STK17B: variants seen among roughly 807,000 people sequenced by gnomAD.
The protein encoded by STK17B is serine/threonine kinase 17b, also known as serine/threonine-protein kinase 17B.
A neutral mutation model predicts 42.0 loss-of-function variants in STK17B; 21 were observed. That is an observed-to-expected ratio of 0.50 (90% CI 0.35 to 0.72). STK17B has a LOEUF of 0.72. Among genes scored for constraint, STK17B ranks in the 30% least tolerant of loss-of-function variants. The probability of loss-of-function intolerance (pLI) is 0.00; values close to 1 mark genes in which losing one functional copy is unlikely to be tolerated. For synonymous variants in STK17B, 143 were observed against 148.4 expected, an observed-to-expected ratio of 0.96 and a Z score of 0.26; for missense variants, 349 against 446.0, an observed-to-expected ratio of 0.78 and a Z score of 1.96.
chr2:196,147,582 G>A (rs145545723), intron 3 of STK17B, among the ~76,000 whole-genome samples: 8 of 152,154 alleles, frequency 5.3e-5, no homozygotes, highest in East Asian at 3.9e-4. Flanking sequence ...GTTAGAAGCC[G>A]CAAACATATG....
Position 196,156,629 on chromosome 2 carries a change from G to T in STK17B, c.145C>A (p.Gln49Lys). 6.2e-7 allele frequency: 1 copy of T among 1,611,866 alleles called. No homozygotes were observed. Among genetic ancestry groups the T allele is most frequent in the Non-Finnish European group, 8.5e-7 (1 of 1,179,214 alleles). Reference sequence around the variant, plus strand: ...TGGCCAGTAGATTTTGATATACATTGTCTAACCACAGCAAATTTTCCTCTG... The same window carrying T: ...TGGCCAGTAGATTTTGATATACATTTTCTAACCACAGCAAATTTTCCTCTG... ...LGRGKFAVVR[Q>K]CISKSTGQEY... Residue 49 changes from glutamine to lysine, a missense_variant, in exon 3 of 8, where the codon CAA becomes AAA. Physicochemically the swap from Gln to Lys is moderately conservative, Grantham distance 53. This residue lies in a region of STK17B where 256 missense variants were observed against 347.7 expected (regional missense o/e 0.74). Coordinates refer to ENST00000263955, the MANE Select transcript of STK17B (RefSeq NM_004226.4).
chr2:196,170,134 A>G (rs1223739375), intron 1 of STK17B, among the ~76,000 whole-genome samples: 2 of 152,184 alleles, frequency 1.3e-5, no homozygotes, highest in African/African-American at 2.4e-5. Flanking sequence ...ATTACTTCCG[A>G]ACAGTTCACC....
At chr2:196,164,894 C>G (rs965774017) in intron 1 of STK17B, among the ~76,000 whole-genome samples, 1 of 152,162 alleles carries the variant, frequency 6.6e-6, no homozygotes, top group African/African-American at 2.4e-5. Flanking sequence ...GGGGAAACAG[C>G]TCTAACTAGT....
chr2:196,175,726 C>T (rs891460765), upstream of STK17B, among the ~76,000 whole-genome samples: 1 of 152,118 alleles, frequency 6.6e-6, no homozygotes, highest in Non-Finnish European at 1.5e-5. Flanking sequence ...TCATGTTAGC[C>T]ACATCCCAAG....
At chr2:196,153,874 A>C (rs1456265237) in intron 3 of STK17B, 2 of 152,224 alleles carry the variant, frequency 1.3e-5, no homozygotes, top group Non-Finnish European at 2.9e-5. Context: ...GTGTTAGATT[A>C]ATTTAAAAAA....
At chr2:196,169,068 ATTTTTT>A (rs571438990) in intron 1 of STK17B, among the ~76,000 whole-genome samples, 32 of 112,672 alleles carry the variant, frequency 2.8e-4, no homozygotes, top group South Asian at 5.8e-4. Flanking sequence ...TAGGAATACT[ATTTTTT>A]TTTTTTTTTT....
chr2:196,135,777 CAAAAAAAAAAAA>C lies in STK17B; in HGVS notation c.*1658_*1669del, dbSNP rs66802894. 2 of 50,164 alleles carry C rather than the reference CAAAAAAAAAAAA, an allele frequency of 4.0e-5. No individual in the cohort carries two copies. Among genetic ancestry groups the C allele is most frequent in the African/African-American group, 1.8e-4 (2 of 11,416 alleles). The allele number at this position is 50,164 out of a possible 1,614,324, so 3.1% of individuals were successfully genotyped here. ...TGAGAGACAGAGCAAAACTCCATCT[CAAAAAAAAAAAA>C]AAAAAAAAAAAGCTCCTTTGGCACC... On this transcript the variant is annotated 3_prime_UTR_variant, in exon 8 of 8. Transcript: ENST00000263955.
intron 1 of STK17B, among the ~76,000 whole-genome samples, chr2:196,166,663 A>G (rs1559417005): frequency 1.3e-5 from 2 of 152,158 alleles, no homozygotes; most frequent in Non-Finnish European, 2.9e-5. Flanking sequence ...TTCTCATTAT[A>G]ATAATTACCA....
upstream of STK17B, among the ~76,000 whole-genome samples, chr2:196,173,255 C>T (rs1035593433): frequency 1.3e-5 from 2 of 152,158 alleles, no homozygotes; most frequent in South Asian, 4.1e-4. Flanking sequence ...TTAGCTCCAG[C>T]TTATCACCAT....
intron 2 of STK17B, among the ~76,000 whole-genome samples, chr2:196,157,034 G>A (rs79677656): frequency 0.049 from 7,373 of 151,986 alleles, 432 homozygotes; most frequent in African/African-American, 0.14. Context: ...GCGTTGTGGC[G>A]CATGCCTGTA....
intron 2 of STK17B, 50 bp from the exon 3 acceptor site, chr2:196,156,701 G>T: frequency 7.1e-7 from 1 of 1,409,212 alleles, no homozygotes; most frequent in Non-Finnish European, 9.8e-7. Flanking sequence ...AGAGAACAAC[G>T]TTAGTATATT....
At chr2:196,167,673 T>C (rs904006167) in intron 1 of STK17B, among the ~76,000 whole-genome samples, 2 of 152,236 alleles carry the variant, frequency 1.3e-5, no homozygotes, top group African/African-American at 4.8e-5. Flanking sequence ...ACAAGGTGGC[T>C]ACTTGTTTTT....
chr2:196,138,181 C>G (rs566881160), intron 7 of STK17B, among the ~76,000 whole-genome samples: 2 of 152,168 alleles, frequency 1.3e-5, no homozygotes, highest in African/African-American at 4.8e-5. Context: ...AATCCCACTT[C>G]CAGATATTTT....
chr2:196,141,359 T>C, intron 5 of STK17B, 62 bp from the exon 6 acceptor site: 1 of 1,329,564 alleles, frequency 7.5e-7, no homozygotes, highest in Non-Finnish European at 1.1e-6. Flanking sequence ...AAAATCACTT[T>C]ATATTACGTT....
In STK17B at chr2:196,137,177, T is replaced by C. The variant is rs921287497; in HGVS notation, c.*270A>G. ...AACATTCTGGTAAGTTCATTTGAAG[T>C]TGAATTATTTCATTAACATGTAAAC... is the stretch of plus-strand genomic sequence containing the variant. On this transcript the variant is annotated 3_prime_UTR_variant, in exon 8 of 8. Transcript: ENST00000263955. 6 of 366,620 alleles carry C rather than the reference T, an allele frequency of 1.6e-5. No individual in the cohort carries two copies. Among genetic ancestry groups the C allele is most frequent in the Admixed American group, 8.7e-5 (2 of 23,016 alleles). The allele number at this position is 366,620 out of a possible 1,614,324, so 22.7% of individuals were successfully genotyped here. A position where few individuals can be genotyped will look rare whatever the true frequency, so the allele number is the denominator to read the frequency against.
intron 5 of STK17B, among the ~76,000 whole-genome samples, chr2:196,142,865 A>C (rs1377567332): frequency 6.6e-6 from 1 of 152,230 alleles, no homozygotes; most frequent in Non-Finnish European, 1.5e-5. Context: ...CATCAGTATA[A>C]ACAATAAACA....
rs771300169 is a variant in STK17B, at chr2:196,163,279, T to A, written c.105A>T (p.Thr35=). The change falls in exon 2 of 8, where the codon ACA becomes ACT. Residue 35 remains threonine, a synonymous_variant. Transcript: ENST00000263955. The stretch of plus-strand genomic sequence containing the variant: ...TTTCTTACCTCCCTAGCTCTTTAGA[T>A]GTAAGTATATAGAAATTATTAAAGT... ...MENFNNFYIL[T]SKELGRGKFA... is the part of the protein sequence containing the mutation. 6.2e-6 allele frequency: 10 copies of A among 1,609,228 alleles called. No homozygotes were observed. The South Asian group carries it at 9.9e-5, about 16-fold the overall frequency.
intron 3 of STK17B, chr2:196,156,072 T>G (rs977338680): frequency 1.3e-5 from 2 of 159,618 alleles, no homozygotes; most frequent in African/African-American, 4.8e-5. Context: ...CTATTCTTAT[T>G]TTCTTGAAGG....
At chr2:196,153,907 A>T (rs1158969284) in intron 3 of STK17B, 1 of 152,186 alleles carries the variant, frequency 6.6e-6, no homozygotes, top group African/African-American at 2.4e-5. Flanking sequence ...AGAAATATTA[A>T]AAAGTGGGAA....
Sources: allele counts gnomAD v4.1 joint callset (sites outside exome capture counted in the v4.1 genomes callset), GRCh38; gene constraint gnomAD v4.1.1; regional missense constraint gnomAD v4.1.1; transcripts MANE v1.5; gene names NCBI Gene and HGNC (gene_info 2026-07-23, HGNC 2026-07-21).